The following ACER3 variants were observed in gnomAD, a reference collection of about 807,000 sequenced individuals.
ACER3 encodes the protein alkCDase 3.
A neutral mutation model predicts 48.9 loss-of-function variants in ACER3; 16 were observed. The observed-to-expected ratio is 0.33, with a 90% confidence interval of 0.22 to 0.50. The LOEUF is 0.50. Among genes scored for constraint, ACER3 ranks in the 20% least tolerant of loss-of-function variants. ACER3 has a pLI of 0.98. For missense variants in ACER3, 227 were observed against 326.0 expected (o/e 0.70, Z 2.34); for synonymous variants, 109 against 107.8 (o/e 1.01, Z -0.07).
chr11:76,967,528 G>T (rs1177270152), intron 3 of ACER3, among the ~76,000 whole-genome samples: 5 of 152,190 alleles, frequency 3.3e-5, no homozygotes, highest in Admixed American at 1.3e-4. Flanking sequence ...TGAACATTGA[G>T]GCAAAAATCC....
At chr11:76,944,935 T>C (rs1947435317) in intron 2 of ACER3, among the ~76,000 whole-genome samples, 2 of 152,016 alleles carry the variant, frequency 1.3e-5, no homozygotes, top group Admixed American at 1.3e-4. Context: ...TCTGATTGGA[T>C]TATTTCAAAA....
At chr11:76,889,176 A>G (rs594732) in intron 1 of ACER3, among the ~76,000 whole-genome samples, 3 of 152,084 alleles carry the variant, frequency 2.0e-5, no homozygotes, top group African/African-American at 7.2e-5. Context: ...ACTGAAACCC[A>G]ACCTCCTATG....
In ACER3 at chr11:77,026,797, A is replaced by C. The variant is rs1472962742; in HGVS notation, c.*6470A>C. 2.6e-5 allele frequency: 4 copies of C among 152,204 alleles called. No homozygotes were observed. Among genetic ancestry groups the C allele is most frequent in the African/African-American group, 9.7e-5 (4 of 41,442 alleles). The allele number at this position is 152,204 out of a possible 1,614,324, so 9.4% of individuals were successfully genotyped here. On this transcript the variant is annotated 3_prime_UTR_variant, in exon 11 of 11. Coordinates refer to ENST00000532485, the MANE Select transcript of ACER3 (RefSeq NM_018367.7). ...ATTAAATAATATTGTTTTGAATAAG[A>C]CTACTGGTAGTGTTTCATCCCTGAT...
chr11:76,976,256 T>G (rs370311679), intron 3 of ACER3, 33 bp from the exon 4 acceptor site: 1 of 1,517,346 alleles, frequency 6.6e-7, no homozygotes. Context: ...CTCCATGATA[T>G]TCAAGCCTGT....
At chr11:76,885,757 A>G (rs1198227682) in intron 1 of ACER3, among the ~76,000 whole-genome samples, 1 of 152,102 alleles carries the variant, frequency 6.6e-6, no homozygotes, top group East Asian at 1.9e-4. Context: ...CTGATAAATG[A>G]GGTAGTTGGG....
intron 1 of ACER3, among the ~76,000 whole-genome samples, chr11:76,911,979 C>A (rs1590920540): frequency 3.3e-5 from 5 of 152,206 alleles, no homozygotes; most frequent in Admixed American, 2.6e-4. Context: ...GGGAATTCAT[C>A]CTGTGAACTT....
chr11:76,911,367 G>T (rs1238795525), intron 1 of ACER3, among the ~76,000 whole-genome samples: 1 of 152,250 alleles, frequency 6.6e-6, no homozygotes, highest in Non-Finnish European at 1.5e-5. Context: ...GGCACTGGTG[G>T]GAGTGTCTTT....
chr11:76,917,250 C>G (rs886971933), intron 1 of ACER3, among the ~76,000 whole-genome samples: 1 of 152,072 alleles, frequency 6.6e-6, no homozygotes, highest in Non-Finnish European at 1.5e-5. Flanking sequence ...CACAATTTCC[C>G]CCTTACCCAG....
intron 7 of ACER3, among the ~76,000 whole-genome samples, chr11:77,011,978 A>AT (rs536951013): frequency 6.6e-6 from 1 of 151,862 alleles, no homozygotes; most frequent in Admixed American, 6.6e-5. Context: ...CATGACATGT[A>AT]TTTTTTTTAA....
chr11:76,979,636 G>A (rs1012208475), intron 4 of ACER3, among the ~76,000 whole-genome samples: 2 of 152,090 alleles, frequency 1.3e-5, no homozygotes, highest in African/African-American at 4.8e-5. Flanking sequence ...CTGGGTGACA[G>A]AGTGAGACCC....
chr11:76,952,133 TATATATAC>T (rs749310423), intron 2 of ACER3, among the ~76,000 whole-genome samples: 63 of 99,440 alleles, frequency 6.3e-4, no homozygotes, highest in Middle Eastern at 5.1e-3. Flanking sequence ...ATATTATATA[TATATATAC>T]ACACACACAC....
intron 2 of ACER3, among the ~76,000 whole-genome samples, chr11:76,953,947 CT>C (rs71043520): frequency 0.12 from 15,515 of 129,786 alleles, 2,636 homozygotes; most frequent in African/African-American, 0.41. Context: ...TTTAAAAGTT[CT>C]TTTTTTTTTT....
chr11:76,875,732 GTTTTTTTTT>G lies in ACER3; in HGVS notation c.103+14669_103+14677del, dbSNP rs71040037. ...TTCAATGTAATACACAGTTTTTGTT[GTTTTTTTTT>G]TTTTTTTTTTTTTTTGTGGAGTCTC... On this transcript the variant is annotated intron_variant, in intron 1 of 10. Transcript: ENST00000532485. 1.3e-3 allele frequency among the ~76,000 whole-genome samples: 90 copies of G among 67,080 alleles called. 2 individuals are homozygous for G. In the East Asian group the frequency reaches 0.021, roughly 15 times the overall value. The allele number at this position is 67,080 out of a possible 152,430, so 44.0% of individuals were successfully genotyped here.
intron 1 of ACER3, among the ~76,000 whole-genome samples, chr11:76,888,105 T>C (rs985015666): frequency 6.6e-6 from 1 of 152,132 alleles, no homozygotes; most frequent in Non-Finnish European, 1.5e-5. Context: ...TAGCCTGACT[T>C]GCTTATTATT....
chr11:76,893,911 C>A (rs1260219246), intron 1 of ACER3, among the ~76,000 whole-genome samples: 2 of 152,118 alleles, frequency 1.3e-5, no homozygotes, highest in African/African-American at 4.8e-5. Context: ...AGTGCCTAAG[C>A]CCCACCATAG....
intron 2 of ACER3, 48 bp downstream of exon 2, chr11:76,926,715 C>A: frequency 1.7e-6 from 2 of 1,178,690 alleles, no homozygotes; most frequent in Non-Finnish European, 1.2e-6. Flanking sequence ...TCAAATGGGC[C>A]ATTTTTCTCA....
chr11:76,915,306 A>T (rs10793205), intron 1 of ACER3, among the ~76,000 whole-genome samples: 90,068 of 151,682 alleles, frequency 0.59, 28,950 homozygotes, highest in Non-Finnish European at 0.73. Context: ...TTCCCATGAT[A>T]CTTCCCTTAG....
intron 7 of ACER3, among the ~76,000 whole-genome samples, chr11:77,002,461 T>C (rs781801990): frequency 3.9e-5 from 6 of 152,204 alleles, no homozygotes; most frequent in Non-Finnish European, 8.8e-5. Flanking sequence ...ACCTTACTTA[T>C]GTAATTCTTT....
chr11:76,908,047 C>A (rs190558018), intron 1 of ACER3, among the ~76,000 whole-genome samples: 2 of 152,202 alleles, frequency 1.3e-5, no homozygotes, highest in Admixed American at 1.3e-4. Context: ...ACCAGCCTGG[C>A]CAACATGGTG....
Sources: gnomAD v4.1 joint callset for allele counts (sites outside exome capture counted in the v4.1 genomes callset) on GRCh38, gnomAD v4.1.1 for gene constraint, MANE v1.5 for transcripts, NCBI Gene and HGNC (gene_info 2026-07-23, HGNC 2026-07-21) for gene names.